NR3C2: variants seen among roughly 807,000 people sequenced by gnomAD.
NR3C2 encodes mineralocorticoid receptor.
Under a neutral mutation model 86.4 loss-of-function variants are expected in NR3C2, and 15 were observed. That is an observed-to-expected ratio of 0.17 (90% CI 0.12 to 0.27). The LOEUF (loss-of-function observed/expected upper bound fraction) is 0.27, where lower values mean the gene tolerates loss of function less well. Among genes scored for constraint, NR3C2 ranks in the 10% least tolerant of loss-of-function variants. The pLI is 1.00. For synonymous variants in NR3C2, 458 were observed against 450.5 expected, an observed-to-expected ratio of 1.02 and a Z score of -0.21; for missense variants, 960 against 1,195.6, an observed-to-expected ratio of 0.80 and a Z score of 2.91.
upstream of NR3C2, chr4:148,443,099 C>T (rs566634478): frequency 1.3e-4 from 58 of 437,886 alleles, 1 homozygote; most frequent in African/African-American, 1.1e-3. Context: ...AGCAGAGCAG[C>T]AGCAGCCTTC....
chr4:148,265,426 G>A (rs1740331124), intron 2 of NR3C2, among the ~76,000 whole-genome samples: 2 of 152,144 alleles, frequency 1.3e-5, no homozygotes, highest in African/African-American at 2.4e-5. Context: ...AAAAATGCCT[G>A]GAGAAATTGG....
At chr4:148,282,528 C>T (rs1339408749) in intron 2 of NR3C2, among the ~76,000 whole-genome samples, 1 of 152,160 alleles carries the variant, frequency 6.6e-6, no homozygotes, top group African/African-American at 2.4e-5. Context: ...AAAAGTCAGT[C>T]TATTCCTGCA....
chr4:148,434,655 C>T lies in NR3C2; in HGVS notation c.1757+449G>A, dbSNP rs911712818. Reference sequence around the variant, plus strand: ...ATACAGGATTCAATTTTAGCTTTCACAACCGATGAAGTGATGATTAATAAA... The same window carrying T: ...ATACAGGATTCAATTTTAGCTTTCATAACCGATGAAGTGATGATTAATAAA... On this transcript the variant is annotated intron_variant, in intron 2 of 8. Transcript: ENST00000358102. Among the ~76,000 whole-genome samples, 5 of 151,972 alleles carry T rather than the reference C, an allele frequency of 3.3e-5. 1 individual carries two copies. Among genetic ancestry groups the T allele is most frequent in the African/African-American group, 9.7e-5 (4 of 41,360 alleles).
intron 7 of NR3C2, among the ~76,000 whole-genome samples, chr4:148,115,775 A>G (rs1021797809): frequency 6.6e-6 from 1 of 152,212 alleles, no homozygotes; most frequent in African/African-American, 2.4e-5. Context: ...GGGGAAAAAT[A>G]AATCCCTAAT....
At chr4:148,373,475 TTTTTC>T (rs796313509) in intron 2 of NR3C2, among the ~76,000 whole-genome samples, 2,536 of 138,930 alleles carry the variant, frequency 0.018, 121 homozygotes, top group African/African-American at 0.067. Context: ...GATGACTTTT[TTTTTC>T]TTTTTTTTTT....
At chr4:148,236,409 T>C (rs552012385) in intron 3 of NR3C2, among the ~76,000 whole-genome samples, 3 of 152,312 alleles carry the variant, frequency 2.0e-5, no homozygotes, top group Admixed American at 2.0e-4. Flanking sequence ...TGAAATCCTA[T>C]ATGCTTTTCA....
At chr4:148,429,893 G>C (rs1749719959) in intron 2 of NR3C2, among the ~76,000 whole-genome samples, 1 of 152,146 alleles carries the variant, frequency 6.6e-6, no homozygotes, top group South Asian at 2.1e-4. Context: ...ATTTAGCAGT[G>C]GGGGTATATT....
At chr4:148,219,453 G>A (rs1209628759) in intron 3 of NR3C2, among the ~76,000 whole-genome samples, 2 of 152,184 alleles carry the variant, frequency 1.3e-5, no homozygotes, top group African/African-American at 2.4e-5. Context: ...TCAAATTGTG[G>A]CCCAGGGTCT....
intron 8 of NR3C2, among the ~76,000 whole-genome samples, chr4:148,087,528 G>GGAACA (rs1730869665): frequency 6.6e-6 from 1 of 151,964 alleles, no homozygotes; most frequent in South Asian, 2.1e-4. Flanking sequence ...ATAGACCAAT[G>GGAACA]GAACAGAACA....
chr4:148,428,800 C>T (rs992224197), intron 2 of NR3C2, among the ~76,000 whole-genome samples: 3 of 152,108 alleles, frequency 2.0e-5, no homozygotes, highest in African/African-American at 7.2e-5. Context: ...CTTAACAAGG[C>T]TCTTTATACT....
chr4:148,109,943 G>A (rs1443092012), intron 8 of NR3C2, among the ~76,000 whole-genome samples: 1 of 152,108 alleles, frequency 6.6e-6, no homozygotes, highest in Non-Finnish European at 1.5e-5. Context: ...ATGAATAGAA[G>A]TTAGCAATAA....
At chr4:148,382,937 C>A (rs2126453518) in intron 2 of NR3C2, among the ~76,000 whole-genome samples, 1 of 152,246 alleles carries the variant, frequency 6.6e-6, no homozygotes, top group East Asian at 1.9e-4. Flanking sequence ...GCACCTCAAT[C>A]CTTAAAAAAT....
At chr4:148,347,085 CG>C (rs1387206752) in intron 2 of NR3C2, among the ~76,000 whole-genome samples, 1 of 151,966 alleles carries the variant, frequency 6.6e-6, no homozygotes, top group African/African-American at 2.4e-5. Flanking sequence ...TGTGAAGCCA[CG>C]TAAGAAAAGC....
chr4:148,139,168 T>C (rs1462502609), intron 6 of NR3C2, among the ~76,000 whole-genome samples: 1 of 152,214 alleles, frequency 6.6e-6, no homozygotes, highest in East Asian at 1.9e-4. Flanking sequence ...GAAACCATCA[T>C]TAGGCTCCAA....
At position 148,080,557 on chromosome 4, in the gene NR3C2, A is replaced by AT. The variant is rs1034794029; in HGVS notation, c.*786dup. 7.0e-5 allele frequency: 11 copies of AT among 157,088 alleles called. No homozygotes were observed. Among genetic ancestry groups the AT allele is most frequent in the Admixed American group, 1.9e-4 (3 of 16,066 alleles). 9.7% of individuals were successfully genotyped at this position (157,088 alleles called of 1,614,324 possible). On this transcript the variant is annotated 3_prime_UTR_variant, in exon 9 of 9. Coordinates refer to ENST00000358102, the MANE Select transcript of NR3C2 (RefSeq NM_000901.5). ...CCATTCATCCTATTAACCATTAAAG[A>AT]TTTTTTTTGTATGTGTCTCATTTAC...
intron 6 of NR3C2, among the ~76,000 whole-genome samples, chr4:148,130,726 T>C (rs904549041): frequency 1.3e-5 from 2 of 152,116 alleles, no homozygotes; most frequent in African/African-American, 2.4e-5. Flanking sequence ...AAGGTTGTTT[T>C]GTTTTGCTCA....
intron 2 of NR3C2, among the ~76,000 whole-genome samples, chr4:148,358,547 A>G (rs989188069): frequency 1.3e-5 from 2 of 151,686 alleles, no homozygotes; most frequent in Non-Finnish European, 2.9e-5. Context: ...GATGCAGCGC[A>G]CCAGCATGGC....
At chr4:148,330,583 T>C (rs1489487399) in intron 2 of NR3C2, among the ~76,000 whole-genome samples, 1 of 152,226 alleles carries the variant, frequency 6.6e-6, no homozygotes, top group African/African-American at 2.4e-5. Flanking sequence ...CTAAAGAATA[T>C]GTCACACACT....
intron 3 of NR3C2, among the ~76,000 whole-genome samples, chr4:148,237,012 T>C (rs948609427): frequency 1.4e-4 from 21 of 152,334 alleles, no homozygotes; most frequent in Non-Finnish European, 2.8e-4. Context: ...TTTTATAATT[T>C]TGTCCCTTGA....
Sources: gnomAD v4.1 joint callset for allele counts (sites outside exome capture counted in the v4.1 genomes callset) on GRCh38, gnomAD v4.1.1 for gene constraint, MANE v1.5 for transcripts, NCBI Gene and HGNC (gene_info 2026-07-23, HGNC 2026-07-21) for gene names.